DYNC1H1: variants seen among roughly 807,000 people sequenced by gnomAD.
DYNC1H1 encodes dynein cytoplasmic 1 heavy chain 1.
DYNC1H1 carries 51 observed loss-of-function variants against 527.1 expected under a neutral mutation model. The observed-to-expected ratio is 0.10, with a 90% confidence interval of 0.08 to 0.12. The LOEUF is 0.12. Among genes scored for constraint, DYNC1H1 ranks in the 10% least tolerant of loss-of-function variants. DYNC1H1 has a pLI of 1.00. For synonymous variants in DYNC1H1, 2,189 were observed against 2,278.8 expected (o/e 0.96, Z 1.12); for missense variants, 2,771 against 5,971.8 (o/e 0.46, Z 17.66).
At position 102,017,358 on chromosome 14, in the gene DYNC1H1, A is replaced by G; in HGVS notation, c.8056-25A>G. Reference sequence around the variant, plus strand: ...GTTTCTTGTTCAAGTTTTGCTCTTAATGTGGTACCTGTCCCTTCCTTCAGA... The same window carrying G: ...GTTTCTTGTTCAAGTTTTGCTCTTAGTGTGGTACCTGTCCCTTCCTTCAGA... On this transcript the variant is annotated intron_variant, in intron 39 of 77. Coordinates refer to ENST00000360184, the MANE Select transcript of DYNC1H1 (RefSeq NM_001376.5). This position sits in a 1 kb window ranked among gnomAD's most constrained non-coding sequence, Gnocchi z 4.6. 1 of 1,614,168 alleles carries G rather than the reference A, an allele frequency of 6.2e-7. No individual in the cohort carries two copies. The highest frequency in any genetic ancestry group is 8.5e-7 in the Non-Finnish European group (1 of 1,180,030).
chr14:102,041,937 T>C lies in DYNC1H1; in HGVS notation c.12103-76T>C. ...AAGAACATCTTCTCAGGCCCCTCAC[T>C]CGGGGCTCTCCTTTCCCTTGACAGG... On this transcript the variant is annotated intron_variant, in intron 65 of 77. Transcript: ENST00000360184. This position sits in a 1 kb window ranked among gnomAD's most constrained non-coding sequence, Gnocchi z 4.5. 6.5e-7 allele frequency: 1 copy of C among 1,550,268 alleles called. No individual in the cohort carries two copies. The highest frequency in any genetic ancestry group is 8.9e-7 in the Non-Finnish European group (1 of 1,127,012).
At chr14:101,988,222 T>C (rs563596865) in intron 9 of DYNC1H1, among the ~76,000 whole-genome samples, 15 of 152,364 alleles carry the variant, frequency 9.8e-5, no homozygotes, top group African/African-American at 3.6e-4. Flanking sequence ...TTGCTTTCCT[T>C]ATGATTCGTG....
At position 102,017,734 on chromosome 14, in the gene DYNC1H1, A is replaced by AG. The variant is rs2048340193; in HGVS notation, c.8177+232dup. On this transcript the variant is annotated intron_variant, in intron 40 of 77. Coordinates refer to ENST00000360184, the MANE Select transcript of DYNC1H1 (RefSeq NM_001376.5). The surrounding 1 kb of genome is among the most constrained non-coding windows in gnomAD (Gnocchi z 4.6). ...ATAATCCCAGCACTTTGGGAGGCCG[A>AG]GGCGGGCGGATCACGAGGTCAGGAG... 1.5e-6 allele frequency: 1 copy of AG among 679,784 alleles called. No homozygotes were observed. The highest frequency in any genetic ancestry group is 3.3e-5 in the East Asian group (1 of 30,118). The allele number at this position is 679,784 out of a possible 1,614,324, so 42.1% of individuals were successfully genotyped here. A position where few individuals can be genotyped will look rare whatever the true frequency, so the allele number is the denominator to read the frequency against.
At chr14:102,040,884 G>A in intron 64 of DYNC1H1, 1 of 617,778 alleles carries the variant, frequency 1.6e-6, no homozygotes, top group Non-Finnish European at 2.9e-6. Flanking sequence ...ACTTGAGCCT[G>A]GGAGGTCGAG....
intron 73 of DYNC1H1, 112 bp downstream of exon 73, chr14:102,048,140 C>T (rs546826661): frequency 6.7e-6 from 9 of 1,352,880 alleles, no homozygotes; most frequent in African/African-American, 2.9e-5. Flanking sequence ...GGAACGTACT[C>T]ACACCGGTGT....
chr14:102,015,211 T>C lies in DYNC1H1; in HGVS notation c.7121T>C (p.Ile2374Thr). The change falls in exon 35 of 78, where the codon ATC becomes ACC. Residue 2374 changes from isoleucine to threonine, a missense_variant. Ile to Thr is a moderately conservative substitution (Grantham distance 89). This residue lies in a region of DYNC1H1 where 122 missense variants were observed against 168.4 expected (regional missense o/e 0.72). Coordinates refer to ENST00000360184, the MANE Select transcript of DYNC1H1 (RefSeq NM_001376.5). This position sits in a 1 kb window ranked among gnomAD's most constrained non-coding sequence, Gnocchi z 6.9. Reference sequence around the variant, plus strand: ...GAGGATGTGCTGAGCACCGACATGATCTTCAACAACTTCCTGGCCAGGCTG... The same window carrying C: ...GAGGATGTGCTGAGCACCGACATGACCTTCAACAACTTCCTGGCCAGGCTG... Reference protein sequence around the residue: ...FSEDVLSTDMIFNNFLARLRS... With the variant: ...FSEDVLSTDMTFNNFLARLRS... 1.2e-6 allele frequency: 2 copies of C among 1,614,212 alleles called. No homozygotes were observed. Among genetic ancestry groups the C allele is most frequent in the Non-Finnish European group, 1.7e-6 (2 of 1,180,042 alleles).
intron 5 of DYNC1H1, 30 bp downstream of exon 5, chr14:101,980,580 T>G: frequency 6.2e-7 from 1 of 1,606,956 alleles, no homozygotes; most frequent in Non-Finnish European, 8.5e-7. Context: ...ATCTGATCAG[T>G]AAGTTATTGA....
chr14:101,971,085 C>CTTTTTTTTTTT (rs780745783), intron 1 of DYNC1H1, among the ~76,000 whole-genome samples: 1 of 64,072 alleles, frequency 1.6e-5, no homozygotes, highest in African/African-American at 6.6e-5. Context: ...CCGTATCATT[C>CTTTTTTTTTTT]TTTTTTTTTT....
In DYNC1H1 at chr14:101,983,367, G is replaced by A; in HGVS notation, c.1234-15G>A. The A allele has an allele frequency of 6.2e-7, 1 of 1,614,126 alleles. No homozygotes were observed. Among genetic ancestry groups the A allele is most frequent in the Non-Finnish European group, 8.5e-7 (1 of 1,179,998 alleles). The stretch of plus-strand genomic sequence containing the variant: ...TGTCTTAATAATAAGCCTCACTTTT[G>A]AAATTATATCCTAGGTTATGGTAGC... On this transcript the variant is annotated splice_polypyrimidine_tract_variant and intron_variant, in intron 6 of 77. Transcript: ENST00000360184. This position sits in a 1 kb window ranked among gnomAD's most constrained non-coding sequence, Gnocchi z 5.3.
In DYNC1H1 at chr14:101,991,579, C is replaced by A. The variant is rs1219376694; in HGVS notation, c.2921C>A (p.Pro974Gln). The change falls in exon 11 of 78, where the codon CCA (proline) becomes CAA (glutamine). Residue 974 changes from proline (P) to glutamine (Q), a missense_variant. Pro to Gln is a moderately conservative substitution (Grantham distance 76, BLOSUM62 -1). Transcript: ENST00000360184. ...AATCAGGTAATCTACTTGAATCCAC[C>A]AATTGAAGAGTGCAGATACAAGCTG... ...ITNQVIYLNP[P>Q]IEECRYKLYQ... 1 of 1,614,008 alleles carries A rather than the reference C, an allele frequency of 6.2e-7. No individual in the cohort carries two copies. The highest frequency in any genetic ancestry group is 1.3e-5 in the African/African-American group (1 of 74,884).
At chr14:101,993,520 C>T (rs189024598) in intron 11 of DYNC1H1, among the ~76,000 whole-genome samples, 6 of 152,316 alleles carry the variant, frequency 3.9e-5, no homozygotes, top group African/African-American at 1.4e-4. Flanking sequence ...CCTTCACTGG[C>T]TCTGCCCCAT....
chr14:101,994,252 T>G lies in DYNC1H1; in HGVS notation c.3084T>G (p.Asp1028Glu), dbSNP rs775528195. The G allele has an allele frequency of 3.0e-5, 49 of 1,614,130 alleles. No individual in the cohort carries two copies. Among genetic ancestry groups the G allele is most frequent in the Non-Finnish European group, 3.7e-5 (44 of 1,180,042 alleles). The part of the protein sequence containing the change: ...FYRNALTRMP[D>E]GPVALEESYS... Reference sequence around the variant, plus strand: ...GGAATGCTTTAACACGGATGCCTGATGGCCCTGTTGCCCTGGAAGAGTCGT... The same window carrying G: ...GGAATGCTTTAACACGGATGCCTGAGGGCCCTGTTGCCCTGGAAGAGTCGT... The change falls in exon 12 of 78, where the codon GAT becomes GAG. Residue 1028 changes from aspartate to glutamate, a missense_variant. By Grantham distance (45) the Asp-to-Glu change is conservative. This residue lies in a region of DYNC1H1 where 179 missense variants were observed against 349.4 expected (regional missense o/e 0.51). Coordinates refer to ENST00000360184, the MANE Select transcript of DYNC1H1 (RefSeq NM_001376.5).
chr14:102,034,289 G>A (rs763065636), intron 55 of DYNC1H1, 36 bp from the exon 56 acceptor site: 2 of 1,614,244 alleles, frequency 1.2e-6, no homozygotes, highest in Non-Finnish European at 1.7e-6. Flanking sequence ...ATCTGTGGCT[G>A]TGAAGAGGAG....
In DYNC1H1 at chr14:101,964,757, G is replaced by C. The variant is rs1377924324; in HGVS notation, c.66G>C (p.Gln22His). The stretch of plus-strand genomic sequence containing the variant: ...CCGGATTGGAAGTGTCGGCCGTGCA[G>C]AATGTGGCGGACGTGTCGGTGCTGC... ...GSAGLEVSAVQNVADVSVLQK... is the reference protein window; with the variant it reads ...GSAGLEVSAVHNVADVSVLQK... The change falls in exon 1 of 78, where the codon CAG becomes CAC. Residue 22 changes from glutamine (Q) to histidine (H), a missense_variant. Physicochemically the swap from Gln to His is conservative, Grantham distance 24. Around this residue, in one of 32 missense-constraint regions of DYNC1H1, gnomAD observed 101 missense variants for 105.3 expected, o/e 0.96. Coordinates refer to ENST00000360184, the MANE Select transcript of DYNC1H1 (RefSeq NM_001376.5). This position sits in a 1 kb window ranked among gnomAD's most constrained non-coding sequence, Gnocchi z 5.5. 1.3e-6 allele frequency: 2 copies of C among 1,598,762 alleles called. No homozygotes were observed. Among genetic ancestry groups the C allele is most frequent in the African/African-American group, 2.7e-5 (2 of 74,760 alleles).
rs532328053 is a variant in DYNC1H1, at chr14:102,011,662, G to T, written c.6619-213G>T. The T allele has an allele frequency of 3.4e-6, 2 of 580,782 alleles. No individual in the cohort carries two copies. Among genetic ancestry groups the T allele is most frequent in the Admixed American group, 2.9e-5 (1 of 35,044 alleles). The allele number at this position is 580,782 out of a possible 1,614,324, so 36.0% of individuals were successfully genotyped here. ...AGCTACTTGGGAGAGTGAGGAAGGA[G>T]AATCACTTGAACCTGGGAGGTGGAG... On this transcript the variant is annotated intron_variant, in intron 32 of 77. Coordinates refer to ENST00000360184, the MANE Select transcript of DYNC1H1 (RefSeq NM_001376.5). The surrounding 1 kb of genome is among the most constrained non-coding windows in gnomAD (Gnocchi z 5.3).
chr14:102,016,687 AGTTT>A lies in DYNC1H1; in HGVS notation c.7615-76_7615-73del. On this transcript the variant is annotated intron_variant, in intron 37 of 77. Transcript: ENST00000360184. This position sits in a 1 kb window ranked among gnomAD's most constrained non-coding sequence, Gnocchi z 7.3. ...ATTACTTCCTTGTTCTGAAAGTTCAAGTTTGTGTTCAGGTAAACAAACCTCGTGA... is the reference window on the plus strand; with the variant it reads ...ATTACTTCCTTGTTCTGAAAGTTCAAGTGTTCAGGTAAACAAACCTCGTGA... The A allele has an allele frequency of 6.4e-7, 1 of 1,557,796 alleles. No individual in the cohort carries two copies.
In DYNC1H1 at chr14:101,979,029, G is replaced by A. The variant is rs574628857; in HGVS notation, c.345-290G>A. ...TACAGTAAATAAATGTTACACATTAGTGTAAGATCAGATTTAAGTACTACT... is the reference window on the plus strand; with the variant it reads ...TACAGTAAATAAATGTTACACATTAATGTAAGATCAGATTTAAGTACTACT... On this transcript the variant is annotated intron_variant, in intron 2 of 77. Transcript: ENST00000360184. The surrounding 1 kb of genome is among the most constrained non-coding windows in gnomAD (Gnocchi z 4.6). Among the ~76,000 whole-genome samples, 65 of 152,328 alleles carry A rather than the reference G, an allele frequency of 4.3e-4. No homozygotes were observed. The highest frequency in any genetic ancestry group is 1.5e-3 in the African/African-American group (61 of 41,568).
In DYNC1H1 at chr14:102,039,579, G is replaced by C. The variant is rs373863364; in HGVS notation, c.11595+33G>C. On this transcript the variant is annotated intron_variant, in intron 61 of 77. Transcript: ENST00000360184. The surrounding 1 kb of genome is among the most constrained non-coding windows in gnomAD (Gnocchi z 7.0). ...GAGGTCCTCAGCCGCTCCCTGGCGG[G>C]GGGGAAGCAGGGTGCTGCTTCTCTT... 9.7e-5 allele frequency: 156 copies of C among 1,614,234 alleles called. No homozygotes were observed. Among genetic ancestry groups the C allele is most frequent in the African/African-American group, 5.6e-4 (42 of 75,056 alleles).
chr14:101,998,780 G>A (rs1427004736), intron 16 of DYNC1H1, among the ~76,000 whole-genome samples: 1 of 151,506 alleles, frequency 6.6e-6, no homozygotes, highest in Non-Finnish European at 1.5e-5. Flanking sequence ...CAGTGGAGGA[G>A]TTGAATATTA....
Sources: allele counts gnomAD v4.1 joint callset (sites outside exome capture counted in the v4.1 genomes callset), GRCh38; gene constraint gnomAD v4.1.1; regional missense constraint gnomAD v4.1.1; non-coding constraint Gnocchi (gnomAD v3.1); transcripts MANE v1.5; gene names NCBI Gene and HGNC (gene_info 2026-07-23, HGNC 2026-07-21).